Variants in TBCE observed in about 807,000 individuals in gnomAD.
TBCE encodes the protein tubulin-specific chaperone E.
In TBCE, 53 loss-of-function variants were observed where a neutral mutation model predicts 77.0. The ratio of observed to expected loss-of-function variants is 0.69; its 90% CI spans 0.55 to 0.87. The LOEUF (loss-of-function observed/expected upper bound fraction) is 0.87. Among genes scored for constraint, TBCE ranks in the 40% least tolerant of loss-of-function variants. TBCE has a pLI of 0.00. For missense variants in TBCE, 624 were observed against 622.4 expected, an observed-to-expected ratio of 1.00 and a Z score of -0.03; for synonymous variants, 235 against 241.3, an observed-to-expected ratio of 0.97 and a Z score of 0.24.
intron 2 of TBCE, among the ~76,000 whole-genome samples, chr1:235,382,759 G>T (rs1677758682): frequency 6.8e-6 from 1 of 146,796 alleles, no homozygotes; most frequent in South Asian, 2.2e-4. Context: ...CTCCCATTTT[G>T]TAGGTTGCCT....
At chr1:235,411,188 G>T (rs545741351) in intron 3 of TBCE, among the ~76,000 whole-genome samples, 58 of 152,332 alleles carry the variant, frequency 3.8e-4, no homozygotes, top group African/African-American at 1.1e-3. Context: ...AGAGATCACT[G>T]GTTGGTTCAC....
intron 7 of TBCE, 56 bp from the exon 8 acceptor site, chr1:235,434,148 C>T: frequency 3.3e-6 from 5 of 1,517,280 alleles, no homozygotes; most frequent in Non-Finnish European, 4.6e-6. Context: ...CTATGAACAC[C>T]CGGGAAGAAA....
intron 2 of TBCE, among the ~76,000 whole-genome samples, chr1:235,400,408 C>CTTTTTTTTTTTTTTTTTTTTTTTT (rs71174425): frequency 5.7e-5 from 6 of 106,024 alleles, no homozygotes; most frequent in East Asian, 2.7e-4. Context: ...TATTTTTCCT[C>CTTTTTTTTTTTTTTTTTTTTTTTT]TTTTTTTTTT....
chr1:235,433,241 G>A, intron 7 of TBCE: 1 of 1,211,232 alleles, frequency 8.3e-7, no homozygotes, highest in Non-Finnish European at 1.1e-6. Flanking sequence ...TGGTTTTTGA[G>A]ATGGAGTCTT....
rs1288552487 is a variant in TBCE at position 235,450,112 on chromosome 1, T to C, written c.*1350T>C. The stretch of plus-strand genomic sequence containing the variant: ...AGTCTGGAACTCTCTTGAAAGACCA[T>C]ACAGTCTACTGCTAAACCCTGGGAC... On this transcript the variant is annotated 3_prime_UTR_variant, in exon 17 of 17. Transcript: ENST00000642610. The C allele has an allele frequency of 4.8e-6, 7 of 1,465,248 alleles. No homozygotes were observed. Among genetic ancestry groups the C allele is most frequent in the Non-Finnish European group, 3.8e-6 (4 of 1,057,842 alleles). 90.8% of individuals were successfully genotyped at this position (1,465,248 alleles called of 1,614,324 possible).
intron 7 of TBCE, 173 bp from the exon 8 acceptor site, chr1:235,434,031 T>G: frequency 3.0e-6 from 2 of 665,174 alleles, no homozygotes. Flanking sequence ...CTTAACATTT[T>G]ATTTATCACC....
intron 15 of TBCE, among the ~76,000 whole-genome samples, chr1:235,443,185 C>CATATATAT (rs1553340612): frequency 3.6e-5 from 5 of 139,746 alleles, no homozygotes; most frequent in African/African-American, 1.2e-4. Context: ...CACACACACA[C>CATATATAT]ATATATATAT....
chr1:235,405,446 G>A (rs183140312), intron 3 of TBCE, among the ~76,000 whole-genome samples: 1 of 151,432 alleles, frequency 6.6e-6, no homozygotes, highest in Non-Finnish European at 1.5e-5. Context: ...GACCACCCTG[G>A]CCAACATGGT....
chr1:235,435,653 TCCA>T, intron 8 of TBCE, 89 bp from the exon 9 acceptor site: 2 of 1,232,252 alleles, frequency 1.6e-6, no homozygotes, highest in East Asian at 4.7e-5. Context: ...TCCCCAGCCC[TCCA>T]TCGCACCAAA....
chr1:235,450,141 T>G lies in TBCE; in HGVS notation c.*1379T>G. ...GTCTACTGCTAAACCCTGGGACTCC[T>G]CAGACTTGCACTCAGATTATCGTTT... On this transcript the variant is annotated 3_prime_UTR_variant, in exon 17 of 17. Transcript: ENST00000642610. 1 of 1,589,704 alleles carries G rather than the reference T, an allele frequency of 6.3e-7. No individual in the cohort carries two copies. The highest frequency in any genetic ancestry group is 8.6e-7 in the Non-Finnish European group (1 of 1,159,766).
chr1:235,427,998 C>A (rs1680827155), intron 6 of TBCE, among the ~76,000 whole-genome samples: 1 of 151,384 alleles, frequency 6.6e-6, no homozygotes, highest in Non-Finnish European at 1.5e-5. Context: ...CCATTGCACT[C>A]CAGCCTGGGT....
At chr1:235,418,510 T>C (rs1224285010) in intron 4 of TBCE, 1 of 152,234 alleles carries the variant, frequency 6.6e-6, no homozygotes, top group Non-Finnish European at 1.5e-5. Flanking sequence ...GCCGGAAGTA[T>C]CTGGTCATGC....
At chr1:235,414,363 C>T (rs1007395779) in intron 3 of TBCE, 70 bp from the exon 4 acceptor site, 1 of 1,530,710 alleles carries the variant, frequency 6.5e-7, no homozygotes, top group African/African-American at 1.4e-5. Context: ...TGAAGACCTT[C>T]AGAAAATTGT....
At chr1:235,434,045 C>CA in intron 7 of TBCE, 159 bp from the exon 8 acceptor site, 2 of 729,748 alleles carry the variant, frequency 2.7e-6, no homozygotes, top group South Asian at 2.9e-5. Flanking sequence ...TATCACCCCC[C>CA]ACCACTATTC....
chr1:235,421,138 G>A (rs1258242529), intron 5 of TBCE, among the ~76,000 whole-genome samples: 2 of 152,186 alleles, frequency 1.3e-5, no homozygotes, highest in African/African-American at 2.4e-5. Context: ...GATGGGCATG[G>A]TGGCTCATGC....
At chr1:235,435,063 A>G (rs1403903249) in intron 8 of TBCE, among the ~76,000 whole-genome samples, 1 of 151,970 alleles carries the variant, frequency 6.6e-6, no homozygotes. Context: ...ATTTTCGTTT[A>G]CAGAAGGGTT....
intron 13 of TBCE, 166 bp from the exon 14 acceptor site, chr1:235,441,648 G>A (rs561462890): frequency 1.1e-4 from 70 of 632,926 alleles, no homozygotes; most frequent in Non-Finnish European, 1.7e-4. Flanking sequence ...GGAAGTGGTC[G>A]TTGTCCATCA....
rs534637322 is a variant in TBCE at position 235,374,060 on chromosome 1, G to A, written c.-31-5959G>A. Reference sequence around the variant, plus strand: ...CATACCTTGGCTGACTGCAGCCTCCGCCTCTTGGGTTCAAGCCTCCAGAGT... The same window carrying A: ...CATACCTTGGCTGACTGCAGCCTCCACCTCTTGGGTTCAAGCCTCCAGAGT... On this transcript the variant is annotated intron_variant, in intron 1 of 16. Coordinates refer to ENST00000642610, the MANE Select transcript of TBCE (RefSeq NM_003193.5). Among the ~76,000 whole-genome samples the A allele has an allele frequency of 9.7e-4, 141 of 145,788 alleles. 26 individuals carry two copies. Among genetic ancestry groups the A allele is most frequent in the African/African-American group, 3.5e-3 (132 of 37,818 alleles).
At chr1:235,428,631 C>A (rs1680880956) in intron 6 of TBCE, among the ~76,000 whole-genome samples, 1 of 147,368 alleles carries the variant, frequency 6.8e-6, no homozygotes, top group South Asian at 2.2e-4. Flanking sequence ...TTTAAGGACA[C>A]TTTATTTATT....
Sources: gnomAD v4.1 joint callset for allele counts (sites outside exome capture counted in the v4.1 genomes callset) on GRCh38, gnomAD v4.1.1 for gene constraint, MANE v1.5 for transcripts, NCBI Gene and HGNC (gene_info 2026-07-23, HGNC 2026-07-21) for gene names.